RCHY1: variants seen among roughly 807,000 people sequenced by gnomAD.
RCHY1 encodes the protein ring finger and CHY zinc finger domain containing 1, also known as RING finger and CHY zinc finger domain-containing protein 1.
A neutral mutation model predicts 41.6 loss-of-function variants in RCHY1; 21 were observed. The observed-to-expected ratio is 0.51, with a 90% CI of 0.36 to 0.73. The LOEUF (loss-of-function observed/expected upper bound fraction) is 0.73. Ranked by LOEUF, RCHY1 falls within the 30% of genes least tolerant of loss-of-function variation. RCHY1 has a pLI of 0.00. For missense variants in RCHY1, 265 were observed against 325.3 expected (o/e 0.81, Z 1.43); for synonymous variants, 79 against 102.9 (o/e 0.77, Z 1.41).
intron 1 of RCHY1, among the ~76,000 whole-genome samples, chr4:75,510,214 C>A (rs1044497215): frequency 6.6e-6 from 1 of 152,134 alleles, no homozygotes; most frequent in African/African-American, 2.4e-5. Flanking sequence ...TGGCCACATG[C>A]CCTAAAACAT....
Position 75,503,726 on chromosome 4 carries a change from G to A in RCHY1, c.326+5094C>T, listed in dbSNP as rs1724027915. On this transcript the variant is annotated intron_variant, in intron 3 of 8. Coordinates refer to ENST00000324439, the MANE Select transcript of RCHY1 (RefSeq NM_015436.4). ...TTAATTAAAAAAAAAAAGAAAATAT[G>A]GTATCCTCACTTAGTCATTTATTAG... Among the ~76,000 whole-genome samples the A allele has an allele frequency of 2.0e-5, 3 of 151,654 alleles. No homozygotes were observed. In the South Asian group the frequency reaches 6.3e-4, roughly 32 times the overall value.
chr4:75,501,810 G>A (rs764033960), intron 3 of RCHY1, among the ~76,000 whole-genome samples: 32 of 152,208 alleles, frequency 2.1e-4, no homozygotes, highest in Admixed American at 3.3e-4. Flanking sequence ...TCAGTGCGGT[G>A]GCTCACGCCT....
intron 3 of RCHY1, among the ~76,000 whole-genome samples, chr4:75,498,171 G>A (rs1723400820): frequency 6.8e-6 from 1 of 146,752 alleles, no homozygotes; most frequent in Non-Finnish European, 1.5e-5. Flanking sequence ...TCAGACCACA[G>A]AAATACAAAG....
intron 1 of RCHY1, among the ~76,000 whole-genome samples, chr4:75,512,364 C>T (rs942157964): frequency 6.6e-6 from 1 of 152,076 alleles, no homozygotes; most frequent in African/African-American, 2.4e-5. Context: ...AAAAGAACAT[C>T]CTCCTATTAT....
At chr4:75,511,483 TG>T (rs993764051) in intron 1 of RCHY1, among the ~76,000 whole-genome samples, 3 of 152,178 alleles carry the variant, frequency 2.0e-5, no homozygotes, top group Non-Finnish European at 2.9e-5. Context: ...AAGTAAAAAA[TG>T]CTGTTCCATG....
At chr4:75,496,907 GAACA>G (rs1454102589) in intron 3 of RCHY1, among the ~76,000 whole-genome samples, 5 of 151,932 alleles carry the variant, frequency 3.3e-5, no homozygotes, top group African/African-American at 1.2e-4. Context: ...AATCAACCCA[GAACA>G]GACACAGATG....
intron 5 of RCHY1, 48 bp from the exon 6 acceptor site, chr4:75,491,830 T>C (rs779594062): frequency 1.2e-6 from 2 of 1,601,586 alleles, no homozygotes; most frequent in South Asian, 2.3e-5. Context: ...AATATAAACA[T>C]CCAAGTATTT....
intron 3 of RCHY1, among the ~76,000 whole-genome samples, chr4:75,503,551 T>C (rs6535499): frequency 0.96 from 146,172 of 152,078 alleles, 70,289 homozygotes; most frequent in East Asian, 1. Flanking sequence ...AAAAATTAGC[T>C]GGCTGTGGTG....
chr4:75,482,885 A>C (rs1444538973), intron 8 of RCHY1, among the ~76,000 whole-genome samples: 1 of 73,880 alleles, frequency 1.4e-5, no homozygotes, highest in Non-Finnish European at 2.8e-5. Flanking sequence ...AGATTTGAGC[A>C]AAAAAAAAGC....
intron 3 of RCHY1, among the ~76,000 whole-genome samples, chr4:75,498,481 C>CAAAAAAA (rs57789217): frequency 1.5e-5 from 1 of 68,774 alleles, no homozygotes; most frequent in Non-Finnish European, 3.3e-5. Flanking sequence ...CAATCCTGAG[C>CAAAAAAA]AAAAAAAAAA....
Position 75,482,669 on chromosome 4 carries a change from GAA to G in RCHY1, c.658-5_658-4del. The G allele has an allele frequency of 6.3e-7, 1 of 1,588,970 alleles. No homozygotes were observed. The highest frequency in any genetic ancestry group is 8.6e-7 in the Non-Finnish European group (1 of 1,164,952). On this transcript the variant is annotated splice_polypyrimidine_tract_variant and splice_region_variant and intron_variant, in intron 8 of 8. Transcript: ENST00000324439. ...CCATTACAGTCATTGCAGAGAATCT[GAA>G]AAGAGATTAATTCAAATTAAGTATT...
At chr4:75,505,442 C>T (rs756504499) in intron 3 of RCHY1, among the ~76,000 whole-genome samples, 61 of 152,120 alleles carry the variant, frequency 4.0e-4, no homozygotes, top group Non-Finnish European at 7.4e-4. Context: ...TTTGCAGTAA[C>T]AATAACTTGA....
intron 3 of RCHY1, among the ~76,000 whole-genome samples, chr4:75,502,013 G>A (rs898637075): frequency 5.3e-5 from 8 of 151,684 alleles, no homozygotes; most frequent in African/African-American, 1.2e-4. Context: ...CAGAGGTTGC[G>A]GTGAGCCAAG....
intron 1 of RCHY1, 59 bp downstream of exon 1, chr4:75,514,138 G>A: frequency 6.4e-7 from 1 of 1,570,964 alleles, no homozygotes; most frequent in Non-Finnish European, 8.7e-7. Flanking sequence ...CACCTGCCCA[G>A]CCCGCCCCAG....
chr4:75,481,430 A>C lies in RCHY1; in HGVS notation c.*1108T>G, dbSNP rs886641474. On this transcript the variant is annotated 3_prime_UTR_variant, in exon 9 of 9. Transcript: ENST00000324439. Reference sequence around the variant, plus strand: ...GTCAAAGTCGGCTGGATCATCAAACATATTTGTTAACTTTGTTCCTGAAGT... The same window carrying C: ...GTCAAAGTCGGCTGGATCATCAAACCTATTTGTTAACTTTGTTCCTGAAGT... 2 of 152,178 alleles carry C rather than the reference A, an allele frequency of 1.3e-5. No individual in the cohort carries two copies. Among genetic ancestry groups the C allele is most frequent in the African/African-American group, 4.8e-5 (2 of 41,430 alleles). 9.4% of individuals were successfully genotyped at this position (152,178 alleles called of 1,614,324 possible).
chr4:75,497,523 G>T (rs1210270805), intron 3 of RCHY1, among the ~76,000 whole-genome samples: 5 of 152,124 alleles, frequency 3.3e-5, no homozygotes, highest in Admixed American at 2.0e-4. Flanking sequence ...GCCAAGGTTG[G>T]TCTGAACCTA....
intron 3 of RCHY1, among the ~76,000 whole-genome samples, chr4:75,498,856 A>G (rs1215106732): frequency 6.6e-6 from 1 of 152,180 alleles, no homozygotes; most frequent in Non-Finnish European, 1.5e-5. Context: ...ACACTGGGGA[A>G]ACTCTCCAGG....
At chr4:75,491,954 C>T (rs778419522) in intron 4 of RCHY1, 21 bp from the exon 5 acceptor site, 17 of 1,564,726 alleles carry the variant, frequency 1.1e-5, no homozygotes, top group Non-Finnish European at 1.3e-5. Flanking sequence ...GAGAAATTCA[C>T]ATTAACAAAA....
intron 1 of RCHY1, among the ~76,000 whole-genome samples, chr4:75,512,676 C>A (rs1474074612): frequency 2.6e-5 from 4 of 152,098 alleles, no homozygotes; most frequent in Non-Finnish European, 4.4e-5. Context: ...TACAGCTAAA[C>A]CCCAAGAATA....
Sources: allele counts gnomAD v4.1 joint callset (sites outside exome capture counted in the v4.1 genomes callset), GRCh38; gene constraint gnomAD v4.1.1; transcripts MANE v1.5; gene names NCBI Gene and HGNC (gene_info 2026-07-23, HGNC 2026-07-21).